Variants in SIPA1L1 observed in about 807,000 individuals in gnomAD.
The protein encoded by SIPA1L1 is signal induced proliferation associated 1 like 1.
SIPA1L1 carries 26 observed loss-of-function variants against 162.7 expected under a neutral mutation model. The ratio of observed to expected loss-of-function variants is 0.16; its 90% CI spans 0.12 to 0.22. SIPA1L1 has a LOEUF of 0.22. Ranked by LOEUF, SIPA1L1 falls within the 10% of genes least tolerant of loss-of-function variation. The pLI is 1.00. For synonymous variants in SIPA1L1, 829 were observed against 837.4 expected (o/e 0.99, Z 0.17); for missense variants, 1,874 against 2,241.0 (o/e 0.84, Z 3.31).
At chr14:71,650,660 C>G (rs2042544173) in intron 8 of SIPA1L1, 151 bp downstream of exon 8, 2 of 701,768 alleles carry the variant, frequency 2.8e-6, no homozygotes, top group Non-Finnish European at 4.8e-6. Flanking sequence ...GGATGTAGCA[C>G]CAGAACAGTT....
chr14:71,528,337 A>G (rs968432544), intron 3 of SIPA1L1, among the ~76,000 whole-genome samples: 2 of 152,174 alleles, frequency 1.3e-5, no homozygotes, highest in Admixed American at 6.6e-5. Flanking sequence ...AGTAGACTAC[A>G]TGATTTTTGA....
At chr14:71,726,851 G>A (rs2084286907) in intron 19 of SIPA1L1, among the ~76,000 whole-genome samples, 1 of 152,112 alleles carries the variant, frequency 6.6e-6, no homozygotes, top group South Asian at 2.1e-4. Flanking sequence ...TGCTGTGTCA[G>A]TAAGGCTGGC....
intron 2 of SIPA1L1, among the ~76,000 whole-genome samples, chr14:71,374,760 C>T (rs35854505): frequency 0.16 from 24,591 of 149,312 alleles, 2,615 homozygotes; most frequent in Middle Eastern, 0.35. Context: ...TATATTTTCA[C>T]TCCTATAGCC....
intron 2 of SIPA1L1, among the ~76,000 whole-genome samples, chr14:71,501,031 T>C (rs769180226): frequency 1.3e-5 from 2 of 151,530 alleles, no homozygotes; most frequent in African/African-American, 2.4e-5. Flanking sequence ...AACAAAAACA[T>C]TAAAAGGTGC....
At chr14:71,356,567 C>CCAAAAAAAAAAAAAAAAAAAAAAAA (rs777415215) in intron 2 of SIPA1L1, among the ~76,000 whole-genome samples, 1 of 39,162 alleles carries the variant, frequency 2.6e-5, no homozygotes, top group African/African-American at 1.1e-4. Flanking sequence ...CTTGTCTCTA[C>CCAAAAAAAAAAAAAAAAAAAAAAAA]AAAAAAAAAA....
At chr14:71,567,380 C>G (rs981470403) in intron 4 of SIPA1L1, among the ~76,000 whole-genome samples, 1 of 151,580 alleles carries the variant, frequency 6.6e-6, no homozygotes, top group Admixed American at 6.6e-5. Context: ...CTGGTGTATG[C>G]AAAAAATGGA....
At chr14:71,705,823 A>G (rs893722236) in intron 16 of SIPA1L1, among the ~76,000 whole-genome samples, 1 of 151,854 alleles carries the variant, frequency 6.6e-6, no homozygotes, top group South Asian at 2.1e-4. Context: ...AGCCATACAC[A>G]TTTCATCCTT....
chr14:71,733,116 C>G (rs1279769090), intron 20 of SIPA1L1, among the ~76,000 whole-genome samples: 1 of 152,184 alleles, frequency 6.6e-6, no homozygotes, highest in Non-Finnish European at 1.5e-5. Flanking sequence ...GAGGCTGAAG[C>G]AGGAGAATTG....
At chr14:71,575,091 A>G (rs947024744) in intron 4 of SIPA1L1, 3 of 152,202 alleles carry the variant, frequency 2.0e-5, no homozygotes, top group Non-Finnish European at 4.4e-5. Flanking sequence ...AATGTTTCCA[A>G]TATGAAGCAT....
At chr14:71,478,137 T>C (rs2048033081) in intron 2 of SIPA1L1, among the ~76,000 whole-genome samples, 1 of 152,234 alleles carries the variant, frequency 6.6e-6, no homozygotes, top group South Asian at 2.1e-4. Flanking sequence ...GAACATTTTT[T>C]CATATGCTTA....
intron 2 of SIPA1L1, chr14:71,330,535 G>A: frequency 6.6e-7 from 1 of 1,507,354 alleles, no homozygotes; most frequent in Non-Finnish European, 9.2e-7. Flanking sequence ...AATCACCTTG[G>A]AGATGAAGAT....
In SIPA1L1 at chr14:71,320,929, C is replaced by T. The variant is rs879506318; in HGVS notation, c.-524-193C>T. On this transcript the variant is annotated intron_variant, in intron 1 of 23. Coordinates refer to ENST00000381232, the MANE Select transcript of SIPA1L1 (RefSeq NM_001386936.1). ...CCTCCGGGAGCTCGGCCCCCGCCGG[C>T]CCCCCGCCAGCCTGTATTCCGGGTC... Among the ~76,000 whole-genome samples the T allele has an allele frequency of 4.3e-3, 654 of 152,016 alleles. 1 individual carries two copies. Among genetic ancestry groups the T allele is most frequent in the Non-Finnish European group, 6.4e-3 (436 of 67,894 alleles).
At chr14:71,609,764 G>A (rs1406899258) in intron 5 of SIPA1L1, among the ~76,000 whole-genome samples, 2 of 152,050 alleles carry the variant, frequency 1.3e-5, no homozygotes, top group African/African-American at 2.4e-5. Context: ...ACCGCGCCTG[G>A]CCAATTCTTT....
In SIPA1L1 at chr14:71,709,205, T is replaced by C; in HGVS notation, c.3766-17T>C. 6.3e-7 allele frequency: 1 copy of C among 1,591,596 alleles called. No individual in the cohort carries two copies. Among genetic ancestry groups the C allele is most frequent in the Non-Finnish European group, 8.6e-7 (1 of 1,167,106 alleles). On this transcript the variant is annotated splice_polypyrimidine_tract_variant and intron_variant, in intron 16 of 23. Transcript: ENST00000381232. ...AAGCAAAACTTTGCACTCAAATAAA[T>C]TCTGCTTCTCTTGCAGTCTGATAGC...
intron 2 of SIPA1L1, among the ~76,000 whole-genome samples, chr14:71,485,395 G>A: frequency 6.6e-6 from 1 of 152,190 alleles, no homozygotes; most frequent in East Asian, 1.9e-4. Context: ...ATTTACAGCT[G>A]CTCCCCATTG....
chr14:71,437,437 G>A (rs2044476452), intron 2 of SIPA1L1, among the ~76,000 whole-genome samples: 1 of 152,136 alleles, frequency 6.6e-6, no homozygotes, highest in African/African-American at 2.4e-5. Flanking sequence ...GCATGATCTC[G>A]ACTTGTTGCA....
At chr14:71,738,591 A>G (rs2085532039) in intron 23 of SIPA1L1, among the ~76,000 whole-genome samples, 1 of 151,760 alleles carries the variant, frequency 6.6e-6, no homozygotes, top group African/African-American at 2.4e-5. Context: ...CGGCCTCCCC[A>G]CTCCTTGTGT....
chr14:71,735,242 C>G (rs777006588), intron 21 of SIPA1L1, 35 bp from the exon 22 acceptor site: 1 of 1,462,514 alleles, frequency 6.8e-7, no homozygotes, highest in South Asian at 1.1e-5. Context: ...GGATGTGGTT[C>G]CAAAATACTA....
intron 13 of SIPA1L1, among the ~76,000 whole-genome samples, chr14:71,686,936 G>A (rs745541460): frequency 1.2e-4 from 18 of 152,156 alleles, no homozygotes; most frequent in Non-Finnish European, 7.4e-5. Context: ...TGAGGAAAAC[G>A]GTTCCCAGAT....
Sources: gnomAD v4.1 joint callset for allele counts (sites outside exome capture counted in the v4.1 genomes callset) on GRCh38, gnomAD v4.1.1 for gene constraint, MANE v1.5 for transcripts, NCBI Gene and HGNC (gene_info 2026-07-23, HGNC 2026-07-21) for gene names.